CDC42BPA: variants seen among roughly 807,000 people sequenced by gnomAD.
CDC42BPA encodes serine/threonine-protein kinase MRCK alpha.
CDC42BPA carries 80 observed loss-of-function variants against 223.5 expected under a neutral mutation model. That is an observed-to-expected ratio of 0.36 (90% CI 0.30 to 0.43). The LOEUF (loss-of-function observed/expected upper bound fraction) is 0.43. CDC42BPA is among the 20% of genes least tolerant of loss of function. The pLI is 1.00. For missense variants in CDC42BPA, 1,743 were observed against 2,099.9 expected (o/e 0.83, Z 3.32); for synonymous variants, 694 against 718.6 (o/e 0.97, Z 0.55).
Position 227,057,307 on chromosome 1 carries a change from A to C in CDC42BPA, c.2905-5322T>G, listed in dbSNP as rs186250100. Among the ~76,000 whole-genome samples the C allele has an allele frequency of 3.2e-4, 48 of 152,332 alleles. No homozygotes were observed. In the East Asian group the frequency reaches 8.3e-3, roughly 26 times the overall value. ...AAATGAGGTTTAATAGCATACTAGA[A>C]ACAAGAATGCAAGAAACATTATTTT... On this transcript the variant is annotated intron_variant, in intron 21 of 36. Transcript: ENST00000366766.
chr1:227,112,176 C>T (rs531749875), intron 14 of CDC42BPA, 136 bp downstream of exon 14: 26 of 472,398 alleles, frequency 5.5e-5, no homozygotes, highest in South Asian at 4.4e-4. Context: ...CTGGTAAGAA[C>T]GAGAATTATG....
intron 35 of CDC42BPA, among the ~76,000 whole-genome samples, chr1:226,995,229 C>T (rs945758037): frequency 6.6e-6 from 1 of 152,220 alleles, no homozygotes; most frequent in African/African-American, 2.4e-5. Context: ...GCTGTGCCAT[C>T]TGCCCCAATG....
At chr1:227,296,472 G>A (rs1006814168) in intron 1 of CDC42BPA, among the ~76,000 whole-genome samples, 19 of 152,202 alleles carry the variant, frequency 1.2e-4, no homozygotes, top group Non-Finnish European at 1.5e-4. Flanking sequence ...TTGGGAGGCC[G>A]AGGTGGGCAG....
At chr1:227,102,649 A>G (rs1685240361) in intron 14 of CDC42BPA, among the ~76,000 whole-genome samples, 1 of 152,206 alleles carries the variant, frequency 6.6e-6, no homozygotes, top group Non-Finnish European at 1.5e-5. Flanking sequence ...TTACAGATGC[A>G]TATCACTTAT....
intron 14 of CDC42BPA, among the ~76,000 whole-genome samples, chr1:227,101,788 G>T (rs1685096946): frequency 6.6e-6 from 1 of 152,036 alleles, no homozygotes; most frequent in Non-Finnish European, 1.5e-5. Context: ...GAAAAAAAAC[G>T]GTAGGTCTCT....
intron 1 of CDC42BPA, among the ~76,000 whole-genome samples, chr1:227,291,212 T>A (rs1689636149): frequency 6.6e-6 from 1 of 152,104 alleles, no homozygotes; most frequent in South Asian, 2.1e-4. Context: ...AAAATCATGT[T>A]GCTCCGGTGC....
At chr1:227,156,417 AGTCTC>A (rs1662793770) in intron 6 of CDC42BPA, among the ~76,000 whole-genome samples, 1 of 143,420 alleles carries the variant, frequency 7.0e-6, no homozygotes, top group African/African-American at 2.6e-5. Flanking sequence ...GGCCTCCCAA[AGTCTC>A]AAAGACTTTG....
At position 227,193,194 on chromosome 1, in the gene CDC42BPA, C is replaced by T. The variant is rs539375429; in HGVS notation, c.599+592G>A. On this transcript the variant is annotated intron_variant, in intron 5 of 36. Transcript: ENST00000366766. ...CGCCATTCTCCTGCCTCAGCCTCTC[C>T]GAGTAGCTGGGACTACAGGTGCCCG... Among the ~76,000 whole-genome samples, 153 of 150,554 alleles carry T rather than the reference C, an allele frequency of 1.0e-3. 1 individual carries two copies. Among genetic ancestry groups the T allele is most frequent in the African/African-American group, 3.6e-3 (149 of 40,890 alleles).
intron 23 of CDC42BPA, among the ~76,000 whole-genome samples, chr1:227,047,264 ATTT>A (rs369035159): frequency 6.6e-6 from 1 of 152,036 alleles, no homozygotes; most frequent in African/African-American, 2.4e-5. Flanking sequence ...CTTTAAGGAT[ATTT>A]TTTATGTTTA....
At chr1:227,111,527 C>T (rs1686920691) in intron 14 of CDC42BPA, among the ~76,000 whole-genome samples, 1 of 152,144 alleles carries the variant, frequency 6.6e-6, no homozygotes, top group Non-Finnish European at 1.5e-5. Flanking sequence ...CGCTCTTGCC[C>T]AGGCTGGAGT....
intron 5 of CDC42BPA, among the ~76,000 whole-genome samples, chr1:227,165,781 G>A (rs1664930946): frequency 6.6e-6 from 1 of 152,146 alleles, no homozygotes; most frequent in South Asian, 2.1e-4. Context: ...TTAGAGATAT[G>A]GGGCTAAATA....
intron 28 of CDC42BPA, 37 bp from the exon 29 acceptor site, chr1:227,030,507 A>ATTACATGGTTTTTTTCCTAAT: frequency 7.6e-7 from 1 of 1,323,290 alleles, no homozygotes; most frequent in Non-Finnish European, 1.1e-6. Context: ...TTTTATTAGG[A>ATTACATGGTTTTTTTCCTAAT]AAAAAACCAT....
chr1:227,010,720 T>C (rs988639690), intron 34 of CDC42BPA, among the ~76,000 whole-genome samples: 1 of 130,726 alleles, frequency 7.6e-6, no homozygotes, highest in Non-Finnish European at 1.8e-5. Context: ...GGAAGATACA[T>C]GGAGGAAGAG....
At chr1:227,117,987 T>C (rs1319687423) in intron 12 of CDC42BPA, among the ~76,000 whole-genome samples, 1 of 152,036 alleles carries the variant, frequency 6.6e-6, no homozygotes, top group African/African-American at 2.4e-5. Flanking sequence ...ACAAAAGAAA[T>C]GTAAACGACA....
At chr1:227,092,203 T>C (rs11801093) in intron 15 of CDC42BPA, among the ~76,000 whole-genome samples, 19,654 of 152,222 alleles carry the variant, frequency 0.13, 1,345 homozygotes, top group East Asian at 0.26. Context: ...ATTTGTTCAT[T>C]CATTTACCAA....
chr1:227,317,056 T>C lies in CDC42BPA; in HGVS notation c.127A>G (p.Asn43Asp). The C allele has an allele frequency of 1.9e-6, 3 of 1,613,876 alleles. No individual in the cohort carries two copies. The highest frequency in any genetic ancestry group is 1.1e-5 in the South Asian group (1 of 91,056). ...TTCTCTCTTCTCAATGGAGAATTAT[T>C]GCATTCATCATAAAGGCAGATGAGT... ...DILICLYDEC[N>D]NSPLRREKNI... The change falls in exon 1 of 37, where the codon AAT becomes GAT. Residue 43 changes from asparagine to aspartate, a missense_variant. By Grantham distance (23) the Asn-to-Asp change is conservative. This residue lies in a region of CDC42BPA where 321 missense variants were observed against 488.7 expected (regional missense o/e 0.66). Coordinates refer to ENST00000366766, the MANE Select transcript of CDC42BPA (RefSeq NM_001394014.1).
intron 1 of CDC42BPA, among the ~76,000 whole-genome samples, chr1:227,288,387 A>C (rs1024824706): frequency 6.6e-6 from 1 of 152,040 alleles, no homozygotes; most frequent in Non-Finnish European, 1.5e-5. Context: ...AAAATAAAAA[A>C]ATGAAAAATC....
intron 35 of CDC42BPA, among the ~76,000 whole-genome samples, chr1:226,999,884 G>T (rs140396823): frequency 0.029 from 4,375 of 149,894 alleles, 196 homozygotes; most frequent in African/African-American, 0.099. Context: ...TCATTCATAA[G>T]TGGGAGTTGA....
In CDC42BPA at chr1:227,100,747, A is replaced by AGTGT. The variant is rs57210205; in HGVS notation, c.2249+241_2249+244dup. Among the ~76,000 whole-genome samples the AGTGT allele has an allele frequency of 5.4e-3, 748 of 137,392 alleles. 9 individuals are homozygous for AGTGT. The highest frequency in any genetic ancestry group is 0.025 in the East Asian group (112 of 4,562). 90.1% of individuals were successfully genotyped at this position (137,392 alleles called of 152,430 possible). A position where few individuals can be genotyped will look rare whatever the true frequency, so the allele number is the denominator to read the frequency against. The stretch of plus-strand genomic sequence containing the variant: ...TGTGTGTCTGCCATCATACCCAGCT[A>AGTGT]GTGTGTGTGTGTGTGTGTGTGTGTG... On this transcript the variant is annotated intron_variant, in intron 15 of 36. Coordinates refer to ENST00000366766, the MANE Select transcript of CDC42BPA (RefSeq NM_001394014.1).
Sources: allele counts gnomAD v4.1 joint callset (sites outside exome capture counted in the v4.1 genomes callset), GRCh38; gene constraint gnomAD v4.1.1; regional missense constraint gnomAD v4.1.1; transcripts MANE v1.5; gene names NCBI Gene and HGNC (gene_info 2026-07-23, HGNC 2026-07-21).